The following MYO5B variants were observed in gnomAD, a reference collection of about 807,000 sequenced individuals.
The protein encoded by MYO5B is myosin VB, also known as unconventional myosin-Vb.
A neutral mutation model predicts 229.3 loss-of-function variants in MYO5B; 143 were observed. The ratio of observed to expected loss-of-function variants is 0.62; its 90% CI spans 0.54 to 0.72. The LOEUF is 0.72. MYO5B is among the 30% of genes least tolerant of loss of function. The pLI is 0.00. For synonymous variants in MYO5B, 918 were observed against 885.2 expected, an observed-to-expected ratio of 1.04 and a Z score of -0.66; for missense variants, 2,321 against 2,331.0, an observed-to-expected ratio of 1.00 and a Z score of 0.09.
chr18:49,977,249 C>CCA (rs2025761596), intron 9 of MYO5B, among the ~76,000 whole-genome samples: 1 of 152,102 alleles, frequency 6.6e-6, no homozygotes, highest in Non-Finnish European at 1.5e-5. Flanking sequence ...ATGCTAAATC[C>CCA]ATTAAAAATA....
Position 49,839,258 on chromosome 18 carries a change from G to A in MYO5B, c.4738C>T (p.His1580Tyr), listed in dbSNP as rs1377145246. The part of the protein sequence containing the change: ...MTQNTAKQNE[H>Y]CLKNFDLTEY... Reference sequence around the variant, plus strand: ...GTGAGGTCAAAATTCTTAAGACAGTGTTCATTCTGCTTTGCAGTGTTCTGA... The same window carrying A: ...GTGAGGTCAAAATTCTTAAGACAGTATTCATTCTGCTTTGCAGTGTTCTGA... The change falls in exon 36 of 40, where the codon CAC (histidine) becomes TAC (tyrosine). Residue 1580 changes from histidine (H) to tyrosine (Y), a missense_variant. By Grantham distance (83) the His-to-Tyr change is moderately conservative. Around this residue, in one of 2 missense-constraint regions of MYO5B, gnomAD observed 2,113 missense variants for 2,044.7 expected, o/e 1.03. Coordinates refer to ENST00000285039, the MANE Select transcript of MYO5B (RefSeq NM_001080467.3). The A allele has an allele frequency of 6.2e-7, 1 of 1,614,044 alleles. No homozygotes were observed. Among genetic ancestry groups the A allele is most frequent in the African/African-American group, 1.3e-5 (1 of 74,946 alleles).
intron 1 of MYO5B, among the ~76,000 whole-genome samples, chr18:50,121,387 T>G (rs1433517658): frequency 1.3e-5 from 2 of 152,212 alleles, no homozygotes; most frequent in African/African-American, 4.8e-5. Context: ...ATCAATGACC[T>G]TCTTAAGTAA....
chr18:50,106,503 C>G (rs1206033877), intron 1 of MYO5B, among the ~76,000 whole-genome samples: 2 of 152,184 alleles, frequency 1.3e-5, no homozygotes, highest in Non-Finnish European at 1.5e-5. Context: ...CCATTTTTAC[C>G]TTGGAAATAA....
chr18:49,851,931 G>A (rs1045198144), intron 31 of MYO5B, among the ~76,000 whole-genome samples: 5 of 152,146 alleles, frequency 3.3e-5, no homozygotes, highest in African/African-American at 4.8e-5. Flanking sequence ...CTCTGTCTGG[G>A]CAAATGAGGA....
chr18:50,005,922 A>T (rs1389877602), intron 4 of MYO5B, among the ~76,000 whole-genome samples: 1 of 152,136 alleles, frequency 6.6e-6, no homozygotes, highest in Non-Finnish European at 1.5e-5. Context: ...GAAGGCAATT[A>T]TTTCACCAGC....
At chr18:50,113,753 C>T (rs1354635643) in intron 1 of MYO5B, among the ~76,000 whole-genome samples, 1 of 152,200 alleles carries the variant, frequency 6.6e-6, no homozygotes, top group Non-Finnish European at 1.5e-5. Context: ...CCCTCTTACC[C>T]ACTCCCCTTT....
rs190028461 is a variant in MYO5B at position 50,091,289 on chromosome 18, G to A, written c.28-35911C>T. Reference sequence around the variant, plus strand: ...GCGTATTTACTAACATCAATGCTATGCATTCCCCTCCAATACCCAGACTGA... The same window carrying A: ...GCGTATTTACTAACATCAATGCTATACATTCCCCTCCAATACCCAGACTGA... On this transcript the variant is annotated intron_variant, in intron 1 of 39. Coordinates refer to ENST00000285039, the MANE Select transcript of MYO5B (RefSeq NM_001080467.3). 2.2e-3 allele frequency among the ~76,000 whole-genome samples: 328 copies of A among 152,290 alleles called. 1 individual carries two copies. The highest frequency in any genetic ancestry group is 7.5e-3 in the African/African-American group (312 of 41,538).
intron 11 of MYO5B, 133 bp from the exon 12 acceptor site, chr18:49,962,539 T>C (rs1460985219): frequency 9.6e-6 from 12 of 1,251,144 alleles, no homozygotes; most frequent in Non-Finnish European, 1.3e-5. Flanking sequence ...TGCTAAGTCA[T>C]AGTTATGACT....
In MYO5B at chr18:49,981,970, G is replaced by A. The variant is rs186322060; in HGVS notation, c.947-1417C>T. ...CTGGGGTTTTTTGTCTGAGCTTAGA[G>A]TATCTTGCTCTTAAGTCAAGTCCCA... On this transcript the variant is annotated intron_variant, in intron 8 of 39. Transcript: ENST00000285039. Among the ~76,000 whole-genome samples the A allele has an allele frequency of 1.8e-4, 28 of 152,306 alleles. No homozygotes were observed. The East Asian group carries it at 5.2e-3, about 28-fold the overall frequency.
At position 49,850,188 on chromosome 18, in the gene MYO5B, C is replaced by T. The variant is rs927299553; in HGVS notation, c.4222-528G>A. The T allele has an allele frequency of 3.6e-5, 7 of 195,452 alleles. No individual in the cohort carries two copies. In the East Asian group the frequency reaches 5.1e-4, roughly 14 times the overall value. The allele number at this position is 195,452 out of a possible 1,614,324, so 12.1% of individuals were successfully genotyped here. A position where few individuals can be genotyped will look rare whatever the true frequency, so the allele number is the denominator to read the frequency against. On this transcript the variant is annotated intron_variant, in intron 31 of 39. Transcript: ENST00000285039. ...CCCATCAGCCCACTGAGACCTAGAACAGCAAGCCGCTGAGGGAGGAGTTTG... is the reference window on the plus strand; with the variant it reads ...CCCATCAGCCCACTGAGACCTAGAATAGCAAGCCGCTGAGGGAGGAGTTTG...
chr18:50,132,166 C>T (rs1176868192), intron 1 of MYO5B, among the ~76,000 whole-genome samples: 3 of 152,194 alleles, frequency 2.0e-5, no homozygotes, highest in Admixed American at 1.3e-4. Flanking sequence ...GCATTATCCC[C>T]CAAACCCTCA....
In MYO5B at chr18:50,116,992, T is replaced by G. The variant is rs79988369; in HGVS notation, c.28-61614A>C. Among the ~76,000 whole-genome samples, 330 of 152,306 alleles carry G rather than the reference T, an allele frequency of 2.2e-3. 1 individual carries two copies. The highest frequency in any genetic ancestry group is 7.6e-3 in the African/African-American group (315 of 41,554). ...GACAATGACACACTGTCACAGCACA[T>G]AAGTACTATTAAGTACGTAGCAGCA... is the stretch of plus-strand genomic sequence containing the variant. On this transcript the variant is annotated intron_variant, in intron 1 of 39. Transcript: ENST00000285039.
At chr18:50,095,098 G>T (rs1049740051) in intron 1 of MYO5B, among the ~76,000 whole-genome samples, 1 of 152,148 alleles carries the variant, frequency 6.6e-6, no homozygotes, top group Non-Finnish European at 1.5e-5. Flanking sequence ...ACAAAGTGCT[G>T]GGATTACAGG....
chr18:49,896,679 G>T (rs2024782658), intron 21 of MYO5B, among the ~76,000 whole-genome samples: 1 of 152,126 alleles, frequency 6.6e-6, no homozygotes, highest in African/African-American at 2.4e-5. Context: ...GTAACAGGAG[G>T]CACATCCTAT....
chr18:50,006,559 T>A (rs2026103266), intron 4 of MYO5B, among the ~76,000 whole-genome samples: 1 of 152,024 alleles, frequency 6.6e-6, no homozygotes. Context: ...AACCAACACA[T>A]CCACACACAC....
chr18:50,051,160 G>A (rs564382175), intron 2 of MYO5B, among the ~76,000 whole-genome samples: 1 of 152,162 alleles, frequency 6.6e-6, no homozygotes, highest in Admixed American at 6.5e-5. Flanking sequence ...GTTTAACAAT[G>A]TTTTTAATTA....
chr18:49,965,451 CTTTT>C (rs2025612659), intron 10 of MYO5B, among the ~76,000 whole-genome samples: 1 of 54,544 alleles, frequency 1.8e-5, no homozygotes, highest in African/African-American at 6.9e-5. Context: ...AAACACACTT[CTTTT>C]CACACACACA....
intron 39 of MYO5B, among the ~76,000 whole-genome samples, chr18:49,833,157 A>G (rs1317463788): frequency 3.3e-5 from 5 of 152,254 alleles, no homozygotes; most frequent in African/African-American, 9.6e-5. Flanking sequence ...TATTATCACA[A>G]TTCAACAGCA....
At chr18:50,156,958 C>A (rs2032688452) in intron 1 of MYO5B, among the ~76,000 whole-genome samples, 1 of 152,212 alleles carries the variant, frequency 6.6e-6, no homozygotes, top group African/African-American at 2.4e-5. Flanking sequence ...CCACACTGAT[C>A]CCCTGTAACT....
Sources: allele counts gnomAD v4.1 joint callset (sites outside exome capture counted in the v4.1 genomes callset), GRCh38; gene constraint gnomAD v4.1.1; regional missense constraint gnomAD v4.1.1; transcripts MANE v1.5; gene names NCBI Gene and HGNC (gene_info 2026-07-23, HGNC 2026-07-21).